The following DOCK7 variants were observed in gnomAD, a reference collection of about 807,000 sequenced individuals.
DOCK7 encodes the protein dedicator of cytokinesis protein 7.
In DOCK7, 138 loss-of-function variants were observed where a neutral mutation model predicts 271.0. The observed-to-expected ratio is 0.51, with a 90% confidence interval of 0.44 to 0.59. The LOEUF (loss-of-function observed/expected upper bound fraction) is 0.59. DOCK7 is among the 20% of genes least tolerant of loss of function. DOCK7 has a pLI of 0.00. For synonymous variants in DOCK7, 823 were observed against 876.1 expected, an observed-to-expected ratio of 0.94 and a Z score of 1.07; for missense variants, 2,066 against 2,592.4, an observed-to-expected ratio of 0.80 and a Z score of 4.41.
chr1:62,582,316 C>T (rs11207994), intron 16 of DOCK7, among the ~76,000 whole-genome samples: 47,984 of 151,116 alleles, frequency 0.32, 7,720 homozygotes, highest in South Asian at 0.42. Context: ...TTTGGGAGGC[C>T]GAGGCGGGCG....
chr1:62,550,212 G>C (rs1195432009), intron 22 of DOCK7, among the ~76,000 whole-genome samples: 1 of 152,148 alleles, frequency 6.6e-6, no homozygotes, highest in Non-Finnish European at 1.5e-5. Flanking sequence ...GGAAAAACTG[G>C]TGGAGTGTAG....
intron 4 of DOCK7, among the ~76,000 whole-genome samples, chr1:62,649,468 A>C (rs886553987): frequency 9.2e-5 from 14 of 152,202 alleles, no homozygotes; most frequent in African/African-American, 2.9e-4. Flanking sequence ...TAGTAACATG[A>C]AAGTTATTAC....
chr1:62,607,914 T>A (rs1651232611), intron 14 of DOCK7: 1 of 152,104 alleles, frequency 6.6e-6, no homozygotes, highest in Non-Finnish European at 1.5e-5. Flanking sequence ...AAACTCCACC[T>A]CTACAAAAAA....
chr1:62,500,528 A>G (rs1646751128), intron 37 of DOCK7, among the ~76,000 whole-genome samples: 1 of 152,184 alleles, frequency 6.6e-6, no homozygotes, highest in African/African-American at 2.4e-5. Context: ...TTTCTGAAAT[A>G]AATGAACTAA....
At chr1:62,553,340 ATATATATATATATATTTTTTTTTT>A (rs1645999116) in intron 21 of DOCK7, among the ~76,000 whole-genome samples, 4 of 8,398 alleles carry the variant, frequency 4.8e-4, no homozygotes, top group Non-Finnish European at 7.8e-4. Context: ...ATATATATAT[ATATATATATATATATTTTTTTTTT>A]TTTTTTTTTT....
chr1:62,561,452 TA>T (rs1416511006), intron 19 of DOCK7, among the ~76,000 whole-genome samples, 164 bp downstream of exon 19: 3 of 152,170 alleles, frequency 2.0e-5, no homozygotes, highest in Admixed American at 2.0e-4. Flanking sequence ...TGATTCTTTT[TA>T]AAAAAATCTT....
At chr1:62,665,377 G>A (rs754750854) in intron 1 of DOCK7, among the ~76,000 whole-genome samples, 12 of 151,800 alleles carry the variant, frequency 7.9e-5, no homozygotes, top group Non-Finnish European at 1.5e-4. Context: ...TCCTCTCATC[G>A]AAGCTGAGAT....
chr1:62,561,511 A>G, intron 19 of DOCK7, 106 bp downstream of exon 19: 1 of 532,646 alleles, frequency 1.9e-6, no homozygotes, highest in Non-Finnish European at 3.1e-6. Context: ...TAAATCTGAC[A>G]GCAATGACAG....
At chr1:62,640,295 C>A (rs889174154) in intron 7 of DOCK7, among the ~76,000 whole-genome samples, 3 of 151,942 alleles carry the variant, frequency 2.0e-5, no homozygotes, top group African/African-American at 7.3e-5. Flanking sequence ...AGGTGGATCA[C>A]GAGATCAAGA....
chr1:62,457,763 G>T lies in DOCK7; in HGVS notation c.6213-58C>A. The T allele has an allele frequency of 3.9e-6, 6 of 1,533,874 alleles. No individual in the cohort carries two copies. The South Asian group carries it at 7.1e-5, about 18-fold the overall frequency. ...TTCTGGCATAGTTTGTGGGTTTAATGCCATACACACGCAAAATACATATAC... is the reference window on the plus strand; with the variant it reads ...TTCTGGCATAGTTTGTGGGTTTAATTCCATACACACGCAAAATACATATAC... On this transcript the variant is annotated intron_variant, in intron 48 of 49. Transcript: ENST00000635253.
chr1:62,642,778 G>A (rs1026756791), intron 7 of DOCK7, among the ~76,000 whole-genome samples: 9 of 152,196 alleles, frequency 5.9e-5, no homozygotes, highest in Non-Finnish European at 1.0e-4. Flanking sequence ...TCTTCCTGAA[G>A]TAATTCCTTT....
chr1:62,621,862 C>T (rs1290766078), intron 12 of DOCK7, among the ~76,000 whole-genome samples: 1 of 151,972 alleles, frequency 6.6e-6, no homozygotes, highest in Non-Finnish European at 1.5e-5. Flanking sequence ...TTAAATGGTC[C>T]TTATTCATAA....
At chr1:62,526,302 A>G (rs958680008) in intron 31 of DOCK7, among the ~76,000 whole-genome samples, 4 of 152,242 alleles carry the variant, frequency 2.6e-5, no homozygotes, top group Non-Finnish European at 4.4e-5. Context: ...TGTGCCAATA[A>G]GCACACAAAA....
Position 62,491,714 on chromosome 1 carries a change from T to A in DOCK7, c.5361+990A>T, listed in dbSNP as rs142353478. Among the ~76,000 whole-genome samples the A allele has an allele frequency of 1.2e-4, 18 of 152,338 alleles. No individual in the cohort carries two copies. In the East Asian group the frequency reaches 2.9e-3, roughly 24 times the overall value. On this transcript the variant is annotated intron_variant, in intron 41 of 49. Coordinates refer to ENST00000635253, the MANE Select transcript of DOCK7 (RefSeq NM_001367561.1). ...GCCCATCATACTGGAAAAAAGATTC[T>A]CCATTTCATCCAATAGACAAGATCT...
intron 45 of DOCK7, 41 bp from the exon 46 acceptor site, chr1:62,475,984 C>A (rs1397145193): frequency 6.9e-6 from 11 of 1,603,858 alleles, no homozygotes; most frequent in Non-Finnish European, 9.4e-6. Flanking sequence ...ACTGTTAAGT[C>A]ATCATTTAGT....
chr1:62,598,096 T>C, intron 14 of DOCK7: 1 of 1,522,852 alleles, frequency 6.6e-7, no homozygotes, highest in Non-Finnish European at 8.8e-7. Flanking sequence ...ATGTTTATGT[T>C]TTCAATGTGG....
intron 18 of DOCK7, among the ~76,000 whole-genome samples, chr1:62,566,438 C>A (rs1187937316): frequency 1.3e-5 from 2 of 152,120 alleles, no homozygotes; most frequent in East Asian, 1.9e-4. Flanking sequence ...CAAAAACAAG[C>A]AATGGGGAAA....
chr1:62,605,526 G>A (rs1324162476), intron 14 of DOCK7: 2 of 152,362 alleles, frequency 1.3e-5, no homozygotes, highest in African/African-American at 4.8e-5. Flanking sequence ...AATATATACT[G>A]TATACATTTT....
intron 16 of DOCK7, among the ~76,000 whole-genome samples, 173 bp downstream of exon 16, chr1:62,583,011 G>A (rs148473329): frequency 1.1e-3 from 164 of 152,316 alleles, no homozygotes; most frequent in African/African-American, 3.6e-3. Flanking sequence ...AGTCATATTT[G>A]GGATGTCAAT....
Sources: gnomAD v4.1 joint callset for allele counts (sites outside exome capture counted in the v4.1 genomes callset) on GRCh38, gnomAD v4.1.1 for gene constraint, MANE v1.5 for transcripts, NCBI Gene and HGNC (gene_info 2026-07-23, HGNC 2026-07-21) for gene names.